The following GK5 variants were observed in gnomAD, a reference collection of about 807,000 sequenced individuals.
GK5 encodes the protein glycerol kinase 5, also known as ATP:glycerol 3-phosphotransferase 5.
GK5 carries 39 observed loss-of-function variants against 77.3 expected under a neutral mutation model. The ratio of observed to expected loss-of-function variants is 0.50; its 90% confidence interval spans 0.39 to 0.66. The LOEUF (loss-of-function observed/expected upper bound fraction) is 0.66, where lower values mean the gene tolerates loss of function less well. Among genes scored for constraint, GK5 ranks in the 30% least tolerant of loss-of-function variants. The probability of loss-of-function intolerance (pLI) is 0.00; values close to 1 mark genes in which losing one functional copy is unlikely to be tolerated. For synonymous variants in GK5, 211 were observed against 208.0 expected (o/e 1.01, Z -0.13); for missense variants, 487 against 633.8 (o/e 0.77, Z 2.49).
At chr3:142,193,334 A>C (rs940616307) in intron 5 of GK5, among the ~76,000 whole-genome samples, 1 of 152,182 alleles carries the variant, frequency 6.6e-6, no homozygotes, top group Non-Finnish European at 1.5e-5. Context: ...AAAAGATATC[A>C]ATTTTGTTAG....
chr3:142,168,260 T>C (rs2063496053), intron 15 of GK5, among the ~76,000 whole-genome samples: 5 of 152,176 alleles, frequency 3.3e-5, no homozygotes, highest in Admixed American at 3.3e-4. Flanking sequence ...GTTTGCTCAA[T>C]CAGGCACGTG....
At chr3:142,208,110 TA>T (rs2064137173) in intron 3 of GK5, among the ~76,000 whole-genome samples, 1 of 152,222 alleles carries the variant, frequency 6.6e-6, no homozygotes, top group Non-Finnish European at 1.5e-5. Context: ...TATCAATGAC[TA>T]AATTTTTTCA....
rs1399191009 is a variant in GK5, at chr3:142,159,849, C to CTTTTTTTTTTTTTTTTTTTTTTTT, written c.*5772_*5773insAAAAAAAAAAAAAAAAAAAAAAAA. 2 of 104,776 alleles carry CTTTTTTTTTTTTTTTTTTTTTTTT rather than the reference C, an allele frequency of 1.9e-5. No homozygotes were observed. The highest frequency in any genetic ancestry group is 8.1e-5 in the African/African-American group (2 of 24,562). The allele number at this position is 104,776 out of a possible 1,614,324, so 6.5% of individuals were successfully genotyped here. On this transcript the variant is annotated 3_prime_UTR_variant, in exon 16 of 16. Transcript: ENST00000392993. Reference sequence around the variant, plus strand: ...GGGCTTTCTCTCTCTCTCTCTCTCTCTCTCTTTTTTTTTTTTGAGACAGAG... The same window carrying CTTTTTTTTTTTTTTTTTTTTTTTT: ...GGGCTTTCTCTCTCTCTCTCTCTCTCTTTTTTTTTTTTTTTTTTTTTTTTTCTCTTTTTTTTTTTTGAGACAGAG...
intron 9 of GK5, among the ~76,000 whole-genome samples, chr3:142,183,798 T>G (rs2107775648): frequency 6.6e-6 from 1 of 151,912 alleles, no homozygotes; most frequent in Non-Finnish European, 1.5e-5. Context: ...GGGGTTTCAC[T>G]CTATTACCCA....
intron 3 of GK5, among the ~76,000 whole-genome samples, chr3:142,205,722 A>G (rs1339840774): frequency 1.3e-5 from 2 of 152,102 alleles, no homozygotes; most frequent in Non-Finnish European, 2.9e-5. Context: ...GCACTCTCTA[A>G]TACTTAACTG....
At chr3:142,173,270 T>C (rs1483737008) in intron 12 of GK5, 5 of 393,764 alleles carry the variant, frequency 1.3e-5, no homozygotes, top group African/African-American at 1.1e-4. Context: ...ATATCAGAAA[T>C]AATCCAGCCT....
chr3:142,176,446 T>C (rs913336736), intron 12 of GK5, among the ~76,000 whole-genome samples: 14 of 152,034 alleles, frequency 9.2e-5, no homozygotes, highest in Admixed American at 6.5e-5. Flanking sequence ...TTAACTGAAG[T>C]ATATGATAGA....
At chr3:142,169,384 C>T (rs1236379913) in intron 15 of GK5, among the ~76,000 whole-genome samples, 1 of 152,200 alleles carries the variant, frequency 6.6e-6, no homozygotes, top group Admixed American at 6.5e-5. Flanking sequence ...TGATCAACCT[C>T]GATATCTCAT....
At chr3:142,171,233 T>C (rs1261487156) in intron 14 of GK5, among the ~76,000 whole-genome samples, 186 bp downstream of exon 14, 3 of 147,282 alleles carry the variant, frequency 2.0e-5, no homozygotes, top group African/African-American at 8.0e-5. Flanking sequence ...TCTGTCTCGA[T>C]AAAAATACAA....
intron 12 of GK5, among the ~76,000 whole-genome samples, chr3:142,174,125 C>T (rs1330868113): frequency 6.6e-6 from 1 of 152,096 alleles, no homozygotes; most frequent in African/African-American, 2.4e-5. Context: ...ACTATAAGTA[C>T]CACAGGGTGG....
rs1404896625 is a variant in GK5 at position 142,186,061 on chromosome 3, T to G, written c.756-72A>C. The G allele has an allele frequency of 4.4e-6, 6 of 1,350,200 alleles. No homozygotes were observed. In the African/African-American group the frequency reaches 5.8e-5, roughly 13 times the overall value. 83.6% of individuals were successfully genotyped at this position (1,350,200 alleles called of 1,614,324 possible). A position where few individuals can be genotyped will look rare whatever the true frequency, so the allele number is the denominator to read the frequency against. On this transcript the variant is annotated intron_variant, in intron 8 of 15. Transcript: ENST00000392993. ...TAGTTTTAAAACTCAGCAAATTGTT[T>G]TTTTGCATAAGCCAAAAAGTTACAT...
At chr3:142,215,377 C>T (rs1337961319) in intron 2 of GK5, among the ~76,000 whole-genome samples, 4 of 152,056 alleles carry the variant, frequency 2.6e-5, no homozygotes, top group African/African-American at 4.8e-5. Flanking sequence ...ATATTACAGT[C>T]GAAAAGAGAC....
At position 142,163,630 on chromosome 3, in the gene GK5, T is replaced by C. The variant is rs974440658; in HGVS notation, c.*1992A>G. 2 of 152,094 alleles carry C rather than the reference T, an allele frequency of 1.3e-5. No homozygotes were observed. Among genetic ancestry groups the C allele is most frequent in the Non-Finnish European group, 1.5e-5 (1 of 68,032 alleles). 9.4% of individuals were successfully genotyped at this position (152,094 alleles called of 1,614,324 possible). Reference sequence around the variant, plus strand: ...GGGAAAGAAGAACGTGGAAAAGAAGTGAACTAACAAATTTTCAGGTATTAA... The same window carrying C: ...GGGAAAGAAGAACGTGGAAAAGAAGCGAACTAACAAATTTTCAGGTATTAA... On this transcript the variant is annotated 3_prime_UTR_variant, in exon 16 of 16. Coordinates refer to ENST00000392993, the MANE Select transcript of GK5 (RefSeq NM_001039547.3).
rs1253103836 is a variant in GK5, at chr3:142,159,811, C to T, written c.*5811G>A. 6 of 149,572 alleles carry T rather than the reference C, an allele frequency of 4.0e-5. No individual in the cohort carries two copies. Among genetic ancestry groups the T allele is most frequent in the Admixed American group, 1.3e-4 (2 of 14,972 alleles). 9.3% of individuals were successfully genotyped at this position (149,572 alleles called of 1,614,324 possible). A position where few individuals can be genotyped will look rare whatever the true frequency, so the allele number is the denominator to read the frequency against. ...TGGGACCAAGTAGGTTGTAAAGGCC[C>T]AAGGTATGTTTGGGGCTTTCTCTCT... is the stretch of plus-strand genomic sequence containing the variant. On this transcript the variant is annotated 3_prime_UTR_variant, in exon 16 of 16. Transcript: ENST00000392993.
At chr3:142,188,446 A>C (rs955709549) in intron 5 of GK5, among the ~76,000 whole-genome samples, 2 of 152,186 alleles carry the variant, frequency 1.3e-5, no homozygotes, top group African/African-American at 4.8e-5. Flanking sequence ...AGGCAGGAGA[A>C]TGGCGTGAAG....
chr3:142,202,515 T>C (rs2064041563), intron 4 of GK5, among the ~76,000 whole-genome samples: 1 of 152,200 alleles, frequency 6.6e-6, no homozygotes, highest in Non-Finnish European at 1.5e-5. Flanking sequence ...CCTAGAATTA[T>C]GTGTGCTAAA....
Position 142,225,401 on chromosome 3 carries a change from C to A in GK5, c.55G>T (p.Gly19Cys). 6.3e-7 allele frequency: 1 copy of A among 1,599,278 alleles called. No individual in the cohort carries two copies. The highest frequency in any genetic ancestry group is 8.5e-7 in the Non-Finnish European group (1 of 1,175,222). ...CCCACATCCAGCCCCAGCACGAAGC[C>A]GGGGTACCGCGGCTCCTGCGCTCTC... The part of the protein sequence containing the change: ...EQRAQEPRYP[G>C]FVLGLDVGSS... The change falls in exon 1 of 16, where the codon GGC (glycine) becomes TGC (cysteine). Residue 19 changes from glycine (G) to cysteine (C), a missense_variant. By Grantham distance (159) the Gly-to-Cys change is radical (BLOSUM62 -3). Transcript: ENST00000392993.
chr3:142,200,091 A>G (rs1022468136), intron 4 of GK5, among the ~76,000 whole-genome samples: 4 of 147,332 alleles, frequency 2.7e-5, no homozygotes, highest in African/African-American at 1.0e-4. Flanking sequence ...TTATTTCTAT[A>G]TATATATACA....
At chr3:142,184,995 T>C in intron 9 of GK5, 1 of 985,504 alleles carries the variant, frequency 1.0e-6, no homozygotes, top group Non-Finnish European at 1.2e-6. Context: ...ACTTGGAAAT[T>C]AAATTCCCTT....
Sources: allele counts gnomAD v4.1 joint callset (sites outside exome capture counted in the v4.1 genomes callset), GRCh38; gene constraint gnomAD v4.1.1; transcripts MANE v1.5; gene names NCBI Gene and HGNC (gene_info 2026-07-23, HGNC 2026-07-21).